The following ABLIM3 variants were observed in gnomAD, a reference collection of about 807,000 sequenced individuals.
ABLIM3 encodes actin-binding LIM protein 3.
A neutral mutation model predicts 109.5 loss-of-function variants in ABLIM3; 61 were observed. The ratio of observed to expected loss-of-function variants is 0.56; its 90% CI spans 0.45 to 0.69. The LOEUF (loss-of-function observed/expected upper bound fraction) is 0.69. ABLIM3 is among the 30% of genes least tolerant of loss of function. The pLI is 0.00. For missense variants in ABLIM3, 796 were observed against 889.5 expected, an observed-to-expected ratio of 0.89 and a Z score of 1.34; for synonymous variants, 300 against 324.8, an observed-to-expected ratio of 0.92 and a Z score of 0.82.
chr5:149,241,425 C>G (rs77566665), intron 14 of ABLIM3, among the ~76,000 whole-genome samples: 2 of 152,074 alleles, frequency 1.3e-5, no homozygotes, highest in African/African-American at 2.4e-5. Context: ...CTAGATGGGG[C>G]GGTCAGGAAG....
At chr5:149,227,434 ATGT>A (rs943995799) in intron 8 of ABLIM3, among the ~76,000 whole-genome samples, 8 of 152,202 alleles carry the variant, frequency 5.3e-5, no homozygotes, top group Admixed American at 2.0e-4. Context: ...CAAGCAGAAA[ATGT>A]TGTACTCTTA....
intron 2 of ABLIM3, among the ~76,000 whole-genome samples, chr5:149,182,067 C>G (rs772512100): frequency 6.6e-6 from 1 of 152,210 alleles, no homozygotes; most frequent in African/African-American, 2.4e-5. Context: ...TCACCATGTG[C>G]AATCCTCCAT....
In ABLIM3 at chr5:149,183,608, C is replaced by T; in HGVS notation, c.151+19C>T. On this transcript the variant is annotated intron_variant, in intron 3 of 23. Transcript: ENST00000309868. The stretch of plus-strand genomic sequence containing the variant: ...TGTCAAGGTAGGAGGCTCAGCTCCC[C>T]CACTCTCTTCTTAGATTCCTGACCA... The T allele has an allele frequency of 6.6e-7, 1 of 1,507,212 alleles. No homozygotes were observed. The highest frequency in any genetic ancestry group is 1.4e-5 in the African/African-American group (1 of 70,536). The allele number at this position is 1,507,212 out of a possible 1,614,324, so 93.4% of individuals were successfully genotyped here. A position where few individuals can be genotyped will look rare whatever the true frequency, so the allele number is the denominator to read the frequency against.
chr5:149,166,400 T>C (rs1754829908), intron 2 of ABLIM3, among the ~76,000 whole-genome samples: 1 of 152,204 alleles, frequency 6.6e-6, no homozygotes, highest in Non-Finnish European at 1.5e-5. Flanking sequence ...GAAAGCTCAC[T>C]ACCTAGAGAA....
intron 3 of ABLIM3, among the ~76,000 whole-genome samples, chr5:149,188,247 A>G (rs990758338): frequency 9.2e-5 from 14 of 152,198 alleles, no homozygotes; most frequent in African/African-American, 3.4e-4. Flanking sequence ...TGCACATGAC[A>G]TGATCTTGTA....
intron 2 of ABLIM3, among the ~76,000 whole-genome samples, chr5:149,161,406 C>T (rs939287341): frequency 2.0e-5 from 3 of 152,208 alleles, no homozygotes; most frequent in Admixed American, 6.5e-5. Flanking sequence ...CCCTCTCTGC[C>T]TGGCTGTCTC....
intron 23 of ABLIM3, among the ~76,000 whole-genome samples, chr5:149,255,265 G>A (rs1363280195): frequency 1.3e-5 from 2 of 152,160 alleles, no homozygotes; most frequent in African/African-American, 4.8e-5. Flanking sequence ...GCCCCTTGAG[G>A]GCAGGGAGCA....
At chr5:149,172,090 G>T (rs564503941) in intron 2 of ABLIM3, among the ~76,000 whole-genome samples, 6 of 152,240 alleles carry the variant, frequency 3.9e-5, no homozygotes, top group Admixed American at 3.9e-4. Context: ...ACAGCACAAA[G>T]TTAGAAGAAT....
intron 12 of ABLIM3, 149 bp downstream of exon 12, chr5:149,239,426 C>T (rs10079169): frequency 3.2e-5 from 29 of 916,162 alleles, no homozygotes; most frequent in Non-Finnish European, 4.7e-5. Context: ...GGGTGCATGT[C>T]CTGGAGGAAG....
intron 11 of ABLIM3, 32 bp from the exon 12 acceptor site, chr5:149,239,215 TC>T (rs1332734104): frequency 3.7e-6 from 6 of 1,613,114 alleles, no homozygotes. Context: ...TTCTGCTCGT[TC>T]CACAACTGCC....
intron 3 of ABLIM3, among the ~76,000 whole-genome samples, chr5:149,184,779 A>C (rs536852593): frequency 6.6e-6 from 1 of 152,184 alleles, no homozygotes; most frequent in African/African-American, 2.4e-5. Flanking sequence ...CCTCAGTCTC[A>C]TGCACCTGAG....
intron 6 of ABLIM3, among the ~76,000 whole-genome samples, chr5:149,208,443 T>C (rs1218002148): frequency 6.6e-6 from 1 of 151,730 alleles, no homozygotes; most frequent in African/African-American, 2.4e-5. Flanking sequence ...TCTCTGTCTC[T>C]GTCCCTGTCT....
At chr5:149,254,284 G>T (rs1343143501) in intron 23 of ABLIM3, among the ~76,000 whole-genome samples, 2 of 151,986 alleles carry the variant, frequency 1.3e-5, no homozygotes, top group Non-Finnish European at 2.9e-5. Flanking sequence ...TATAGGAGGG[G>T]TCACTCCCCT....
intron 3 of ABLIM3, among the ~76,000 whole-genome samples, chr5:149,195,612 G>C (rs1179197399): frequency 1.3e-5 from 2 of 151,838 alleles, no homozygotes; most frequent in African/African-American, 4.8e-5. Flanking sequence ...TGGCAAAGGA[G>C]ACAAAGGAGA....
chr5:149,246,477 G>A lies in ABLIM3; in HGVS notation c.1487-5G>A. ...CCGGAGCTGATCTTTTCTGTCTTTTGACAGTGCCCCGAGCCAGAAGGTTCT... is the reference window on the plus strand; with the variant it reads ...CCGGAGCTGATCTTTTCTGTCTTTTAACAGTGCCCCGAGCCAGAAGGTTCT... On this transcript the variant is annotated splice_region_variant and splice_polypyrimidine_tract_variant and intron_variant, in intron 16 of 23. Coordinates refer to ENST00000309868, the MANE Select transcript of ABLIM3 (RefSeq NM_014945.5). The A allele has an allele frequency of 6.2e-7, 1 of 1,613,868 alleles. No individual in the cohort carries two copies. Among genetic ancestry groups the A allele is most frequent in the Non-Finnish European group, 8.5e-7 (1 of 1,179,900 alleles).
At chr5:149,202,055 G>T (rs980121937) in intron 5 of ABLIM3, among the ~76,000 whole-genome samples, 5 of 152,228 alleles carry the variant, frequency 3.3e-5, no homozygotes, top group Non-Finnish European at 7.3e-5. Context: ...GATGATATTG[G>T]CATGGAGGTT....
rs113345786 is a variant in ABLIM3, at chr5:149,150,892, A to G, written c.13+8784A>G. Among the ~76,000 whole-genome samples, 240 of 151,648 alleles carry G rather than the reference A, an allele frequency of 1.6e-3. 1 individual carries two copies. Among genetic ancestry groups the G allele is most frequent in the African/African-American group, 5.8e-3 (237 of 40,890 alleles). ...GTGCCTCACTTCCTCATCTCTAATG[A>G]TAATTACAAGGAGGCAAATAATAGT... is the stretch of plus-strand genomic sequence containing the variant. On this transcript the variant is annotated intron_variant, in intron 2 of 23. Transcript: ENST00000309868.
At chr5:149,157,839 C>G (rs993803606) in intron 2 of ABLIM3, among the ~76,000 whole-genome samples, 5 of 152,120 alleles carry the variant, frequency 3.3e-5, no homozygotes, top group Non-Finnish European at 7.4e-5. Context: ...CCACCTCAGA[C>G]CCCAGACTTC....
At position 149,198,913 on chromosome 5, in the gene ABLIM3, A is replaced by G. The variant is rs544637555; in HGVS notation, c.335+511A>G. On this transcript the variant is annotated intron_variant, in intron 4 of 23. Transcript: ENST00000309868. The surrounding 1 kb of genome is among the most constrained non-coding windows in gnomAD (Gnocchi z 4.2). ...TAAAATGGAGGTCAAAGCCATTCCA[A>G]CCTCATTGGGTTTTCTCGAAGATCA... 3 of 382,780 alleles carry G rather than the reference A, an allele frequency of 7.8e-6. No homozygotes were observed. Among genetic ancestry groups the G allele is most frequent in the African/African-American group, 6.3e-5 (3 of 47,944 alleles). 23.7% of individuals were successfully genotyped at this position (382,780 alleles called of 1,614,324 possible). A position where few individuals can be genotyped will look rare whatever the true frequency, so the allele number is the denominator to read the frequency against.
Sources: gnomAD v4.1 joint callset for allele counts (sites outside exome capture counted in the v4.1 genomes callset) on GRCh38, gnomAD v4.1.1 for gene constraint, Gnocchi (gnomAD v3.1) non-coding constraint, MANE v1.5 for transcripts, NCBI Gene and HGNC (gene_info 2026-07-23, HGNC 2026-07-21) for gene names.